RNF2: variants seen among roughly 807,000 people sequenced by gnomAD.
RNF2 encodes E3 ubiquitin-protein ligase RING2.
In RNF2, 6 loss-of-function variants were observed where a neutral mutation model predicts 37.2. That is an observed-to-expected ratio of 0.16 (90% CI 0.09 to 0.32). The LOEUF (loss-of-function observed/expected upper bound fraction) is 0.32, where lower values mean the gene tolerates loss of function less well. Ranked by LOEUF, RNF2 falls within the 10% of genes least tolerant of loss-of-function variation. The pLI is 1.00. For synonymous variants in RNF2, 133 were observed against 132.7 expected (o/e 1.00, Z -0.02); for missense variants, 251 against 404.0 (o/e 0.62, Z 3.25).
At chr1:185,099,611 C>G (rs978877186) in intron 5 of RNF2, among the ~76,000 whole-genome samples, 180 bp from the exon 6 acceptor site, 1 of 152,178 alleles carries the variant, frequency 6.6e-6, no homozygotes, top group Non-Finnish European at 1.5e-5. Context: ...TTCCCCTCTT[C>G]TGTACCTATC....
chr1:185,084,493 G>C (rs1651523344), intron 1 of RNF2, among the ~76,000 whole-genome samples: 1 of 152,160 alleles, frequency 6.6e-6, no homozygotes, highest in Admixed American at 6.5e-5. Flanking sequence ...AGTTTGAGGG[G>C]TTTTGTTTCC....
intron 1 of RNF2, among the ~76,000 whole-genome samples, chr1:185,084,839 T>A (rs938104923): frequency 6.6e-5 from 10 of 152,230 alleles, no homozygotes; most frequent in African/African-American, 2.2e-4. Flanking sequence ...AGCAGGTGTC[T>A]AATAATGCTT....
intron 5 of RNF2, 136 bp from the exon 6 acceptor site, chr1:185,099,653 TTC>T: frequency 2.8e-6 from 2 of 709,256 alleles, no homozygotes; most frequent in South Asian, 2.0e-5. Flanking sequence ...AGCAGTAAAT[TTC>T]TGATATTATT....
intron 1 of RNF2, among the ~76,000 whole-genome samples, chr1:185,080,112 G>T (rs532834281): frequency 6.6e-6 from 1 of 152,198 alleles, no homozygotes; most frequent in Admixed American, 6.5e-5. Flanking sequence ...ACCTCACTTC[G>T]TATCTTCTTT....
rs1234594441 is a variant in RNF2, at chr1:185,099,952, G to A, written c.899G>A (p.Gly300Asp). Residue 300 changes from glycine to aspartate, a missense_variant, in exon 6 of 7, where the codon GGC (glycine) becomes GAC (aspartate). Coordinates refer to ENST00000367510, the MANE Select transcript of RNF2 (RefSeq NM_007212.4). ...ACCATTTATATAGCAACAGCCAGTGGCCAGTTCACTGTGAGTATTTAAAAT... is the reference window on the plus strand; with the variant it reads ...ACCATTTATATAGCAACAGCCAGTGACCAGTTCACTGTGAGTATTTAAAAT... ...QYTIYIATASGQFTVLNGSFS... is the reference protein window; with the variant it reads ...QYTIYIATASDQFTVLNGSFS... The A allele has an allele frequency of 1.2e-6, 2 of 1,607,932 alleles. No homozygotes were observed. Among genetic ancestry groups the A allele is most frequent in the East Asian group, 2.2e-5 (1 of 44,694 alleles).
intron 6 of RNF2, 43 bp downstream of exon 6, chr1:185,100,005 T>C (rs766497806): frequency 1.9e-6 from 3 of 1,557,802 alleles, no homozygotes; most frequent in Non-Finnish European, 2.6e-6. Flanking sequence ...GGGAGCACAC[T>C]GACCAACTAA....
At position 185,101,440 on chromosome 1, in the gene RNF2, G is replaced by C. The variant is rs1395979839; in HGVS notation, c.*1139G>C. The C allele has an allele frequency of 1.3e-5, 2 of 152,524 alleles. No individual in the cohort carries two copies. The highest frequency in any genetic ancestry group is 2.9e-5 in the Non-Finnish European group (2 of 67,974). The allele number at this position is 152,524 out of a possible 1,614,324, so 9.4% of individuals were successfully genotyped here. A position where few individuals can be genotyped will look rare whatever the true frequency, so the allele number is the denominator to read the frequency against. On this transcript the variant is annotated 3_prime_UTR_variant, in exon 7 of 7. Coordinates refer to ENST00000367510, the MANE Select transcript of RNF2 (RefSeq NM_007212.4). ...GAAAAACGTCAGCCAGTAGGGTAAA[G>C]TCATTCTACTGTTCTTAATTTTTAT...
chr1:185,060,576 G>C (rs1650568935), intron 1 of RNF2, among the ~76,000 whole-genome samples: 1 of 152,204 alleles, frequency 6.6e-6, no homozygotes, highest in East Asian at 1.9e-4. Context: ...AGAATGTGAT[G>C]AATTTAGTGT....
chr1:185,069,978 T>C (rs746882006), intron 1 of RNF2, among the ~76,000 whole-genome samples: 8 of 152,220 alleles, frequency 5.3e-5, no homozygotes, highest in Non-Finnish European at 8.8e-5. Flanking sequence ...TAACCAAAGA[T>C]TTTAGTACTT....
intron 1 of RNF2, among the ~76,000 whole-genome samples, chr1:185,048,775 A>T (rs1192013993): frequency 1.3e-5 from 2 of 152,210 alleles, no homozygotes; most frequent in Non-Finnish European, 2.9e-5. Context: ...GTAAAAAAAA[A>T]AATCATGCTT....
intron 1 of RNF2, among the ~76,000 whole-genome samples, chr1:185,060,180 CTCTTTTTGGTT>C (rs1437858755): frequency 6.6e-6 from 1 of 152,324 alleles, no homozygotes; most frequent in Non-Finnish European, 1.5e-5. Context: ...AGTTAGACTT[CTCTTTTTGGTT>C]TGTCTTTAAT....
intron 1 of RNF2, among the ~76,000 whole-genome samples, chr1:185,051,305 T>C (rs563024439): frequency 1.3e-5 from 2 of 152,302 alleles, no homozygotes; most frequent in South Asian, 2.1e-4. Context: ...GGTAGTATTG[T>C]GTATAGTAGG....
intron 1 of RNF2, among the ~76,000 whole-genome samples, chr1:185,078,640 G>T (rs1336816965): frequency 6.6e-6 from 1 of 152,122 alleles, no homozygotes; most frequent in African/African-American, 2.4e-5. Context: ...ACTCATTCCA[G>T]CTGGGATTTT....
At chr1:185,048,419 C>G (rs1650177331) in intron 1 of RNF2, among the ~76,000 whole-genome samples, 1 of 152,208 alleles carries the variant, frequency 6.6e-6, no homozygotes, top group African/African-American at 2.4e-5. Context: ...ACTAAAAATT[C>G]TAAGATTTCT....
At chr1:185,086,787 C>CCA in intron 1 of RNF2, among the ~76,000 whole-genome samples, 2 of 152,282 alleles carry the variant, frequency 1.3e-5, no homozygotes, top group Admixed American at 1.3e-4. Flanking sequence ...GTTTAAAGTG[C>CCA]TCTAAAGTAG....
intron 1 of RNF2, among the ~76,000 whole-genome samples, chr1:185,078,425 T>G (rs1651239736): frequency 6.6e-6 from 1 of 152,196 alleles, no homozygotes; most frequent in African/African-American, 2.4e-5. Flanking sequence ...CTGACCTGCT[T>G]TCTTTCCTTC....
At chr1:185,091,396 G>A (rs1010290140) in intron 2 of RNF2, among the ~76,000 whole-genome samples, 183 bp from the exon 3 acceptor site, 9 of 152,192 alleles carry the variant, frequency 5.9e-5, no homozygotes, top group African/African-American at 2.2e-4. Flanking sequence ...CAGTGGTGGT[G>A]AGGCTGAGGG....
intron 1 of RNF2, among the ~76,000 whole-genome samples, chr1:185,061,259 C>G (rs1236063373): frequency 1.3e-5 from 2 of 151,592 alleles, no homozygotes; most frequent in East Asian, 3.9e-4. Flanking sequence ...TCCCGAGTAG[C>G]TGGGACTACA....
rs934616407 is a variant in RNF2, at chr1:185,087,437, A to G, written c.-2-115A>G. 11 of 809,712 alleles carry G rather than the reference A, an allele frequency of 1.4e-5. 1 individual carries two copies. The South Asian group carries it at 1.4e-4, about 11-fold the overall frequency. The allele number at this position is 809,712 out of a possible 1,614,324, so 50.2% of individuals were successfully genotyped here. A position where few individuals can be genotyped will look rare whatever the true frequency, so the allele number is the denominator to read the frequency against. On this transcript the variant is annotated intron_variant, in intron 1 of 6. Coordinates refer to ENST00000367510, the MANE Select transcript of RNF2 (RefSeq NM_007212.4). ...CCTCCCAAAGTCCCCACCTCTTAAT[A>G]TTACTTCATTGAGATTAGATTTCAA...
Sources: gnomAD v4.1 joint callset for allele counts (sites outside exome capture counted in the v4.1 genomes callset) on GRCh38, gnomAD v4.1.1 for gene constraint, MANE v1.5 for transcripts, NCBI Gene and HGNC (gene_info 2026-07-23, HGNC 2026-07-21) for gene names.